The following ETFB variants were observed in gnomAD, a reference collection of about 807,000 sequenced individuals.
ETFB encodes the protein beta-ETF.
A neutral mutation model predicts 25.6 loss-of-function variants in ETFB; 20 were observed. The observed-to-expected ratio is 0.78, with a 90% CI of 0.55 to 1.14. The LOEUF is 1.14. Among genes scored for constraint, ETFB ranks in the 50% most tolerant of loss-of-function variants. ETFB has a pLI of 0.00. For missense variants in ETFB, 286 were observed against 342.6 expected (o/e 0.83, Z 1.30); for synonymous variants, 142 against 146.7 (o/e 0.97, Z 0.23).
intron 1 of ETFB, among the ~76,000 whole-genome samples, chr19:51,359,227 T>C (rs1986162237): frequency 6.6e-6 from 1 of 151,590 alleles, no homozygotes; most frequent in Non-Finnish European, 1.5e-5. Flanking sequence ...AATTTTTTTT[T>C]TTTTACTTTT....
At chr19:51,358,474 C>A (rs755397694) in intron 1 of ETFB, among the ~76,000 whole-genome samples, 16 of 151,970 alleles carry the variant, frequency 1.1e-4, no homozygotes. Flanking sequence ...GGATACTAGC[C>A]TGGGCAACAG....
At chr19:51,347,373 A>C in intron 4 of ETFB, 1 of 303,152 alleles carries the variant, frequency 3.3e-6, no homozygotes, top group Non-Finnish European at 6.3e-6. Context: ...AAGTCATCGA[A>C]TCCTCGCAGG....
chr19:51,354,738 G>T, intron 1 of ETFB: 1 of 1,409,460 alleles, frequency 7.1e-7, no homozygotes, highest in Non-Finnish European at 9.8e-7. Flanking sequence ...ACAGTTAAGG[G>T]TGGTCCTCAG....
In ETFB at chr19:51,345,378, C is replaced by T; in HGVS notation, c.601G>A (p.Ala201Thr). 6.2e-7 allele frequency: 1 copy of T among 1,614,128 alleles called. No individual in the cohort carries two copies. The change falls in exon 6 of 6, where the codon GCC becomes ACC. Residue 201 changes from alanine to threonine, a missense_variant. Transcript: ENST00000309244. ...ATCACCTCGATCTTCTTCTTCTTGG[C>T]TTTCTGCACATGGGAAGCCATTGTT... ...RYATLPNIMK[A>T]KKKKIEVIKP...
chr19:51,362,920 T>C (rs892795314), intron 1 of ETFB, among the ~76,000 whole-genome samples: 2 of 152,092 alleles, frequency 1.3e-5, no homozygotes, highest in African/African-American at 4.8e-5. Flanking sequence ...TTACAAAGTG[T>C]CCACACCAGC....
At chr19:51,346,830 C>A in intron 5 of ETFB, 70 bp downstream of exon 5, 1 of 1,471,060 alleles carries the variant, frequency 6.8e-7, no homozygotes, top group Non-Finnish European at 9.2e-7. Context: ...CGTGCGACCA[C>A]CGGGGGGCAC....
chr19:51,345,419 C>T (rs1985748899), intron 5 of ETFB, 38 bp from the exon 6 acceptor site: 2 of 1,605,912 alleles, frequency 1.2e-6, no homozygotes, highest in Non-Finnish European at 8.5e-7. Flanking sequence ...GGCTGTGGAA[C>T]TCCTGCCACC....
rs377530036 is a variant in ETFB, at chr19:51,345,169, T to A, written c.*42A>T. 2 of 1,596,650 alleles carry A rather than the reference T, an allele frequency of 1.3e-6. No individual in the cohort carries two copies. The highest frequency in any genetic ancestry group is 1.7e-6 in the Non-Finnish European group (2 of 1,164,362). ...TCTCTAGGAAATAAGTTAACAGAGA[T>A]AGATGTTGAGAGTCAGTTTTATTGC... On this transcript the variant is annotated 3_prime_UTR_variant, in exon 6 of 6. Coordinates refer to ENST00000309244, the MANE Select transcript of ETFB (RefSeq NM_001985.3).
chr19:51,351,108 A>T (rs1332400410), intron 3 of ETFB, among the ~76,000 whole-genome samples: 1 of 152,174 alleles, frequency 6.6e-6, no homozygotes, highest in Non-Finnish European at 1.5e-5. Context: ...GTCCCACCCT[A>T]TGTGGCCCCT....
chr19:51,353,187 A>G lies in ETFB; in HGVS notation c.320T>C (p.Val107Ala). Residue 107 changes from valine to alanine, a missense_variant, in exon 3 of 6, where the codon GTC becomes GCC. Val to Ala is a moderately conservative substitution (Grantham distance 64). Transcript: ENST00000309244. ...CTCCTTCTCTGCCAGCTTGGCCAGG[A>G]CCCGAGCCACCTGCAGGGGACCCAA... The part of the protein sequence containing the change: ...ERLGPLQVAR[V>A]LAKLAEKEKV... The G allele has an allele frequency of 6.2e-7, 1 of 1,614,068 alleles. No homozygotes were observed. Among genetic ancestry groups the G allele is most frequent in the South Asian group, 1.1e-5 (1 of 91,086 alleles).
intron 1 of ETFB, among the ~76,000 whole-genome samples, chr19:51,358,891 C>T (rs1420796204): frequency 2.0e-5 from 3 of 151,254 alleles, no homozygotes; most frequent in Non-Finnish European, 4.4e-5. Flanking sequence ...CCCAGCTACT[C>T]AGGAGGCTGA....
At chr19:51,366,156 G>A (rs1050062016) in intron 1 of ETFB, 114 bp downstream of exon 1, 33 of 1,065,354 alleles carry the variant, frequency 3.1e-5, no homozygotes, top group Non-Finnish European at 4.3e-5. Flanking sequence ...ACGTTTGGGG[G>A]TTAAAGCGGC....
At chr19:51,361,700 T>G (rs1002969443) in intron 1 of ETFB, 3 of 84,136 alleles carry the variant, frequency 3.6e-5, no homozygotes, top group East Asian at 2.7e-4. Flanking sequence ...CTCCTGGGTT[T>G]TTTTTTTTTT....
At chr19:51,354,536 C>T (rs755221189) in intron 1 of ETFB, 3 of 1,614,234 alleles carry the variant, frequency 1.9e-6, no homozygotes, top group Non-Finnish European at 2.5e-6. Flanking sequence ...GTACCAGGGA[C>T]ATCTGACTTG....
chr19:51,360,953 T>C (rs1044728286), intron 1 of ETFB, among the ~76,000 whole-genome samples: 3 of 151,750 alleles, frequency 2.0e-5, no homozygotes, highest in African/African-American at 7.3e-5. Context: ...GCCTGGCTAA[T>C]TTTTTGTATT....
At chr19:51,345,579 GA>G (rs1244698146) in intron 5 of ETFB, 198 bp from the exon 6 acceptor site, 7 of 627,140 alleles carry the variant, frequency 1.1e-5, no homozygotes, top group Non-Finnish European at 1.7e-5. Flanking sequence ...GAGGCCCTGG[GA>G]GGCCCAACTA....
At position 51,353,249 on chromosome 19, in the gene ETFB, A is replaced by T; in HGVS notation, c.258T>A (p.Gly86=). 1 of 1,614,022 alleles carries T rather than the reference A, an allele frequency of 6.2e-7. No individual in the cohort carries two copies. The highest frequency in any genetic ancestry group is 8.5e-7 in the Non-Finnish European group (1 of 1,179,976). Reference sequence around the variant, plus strand: ...CTGCTGGGGGCACCTCCACGTGGATACCTCGGTCTGCACCCATGGCCAGGG... The same window carrying T: ...CTGCTGGGGGCACCTCCACGTGGATTCCTCGGTCTGCACCCATGGCCAGGG... ...RTALAMGADR[G]IHVEVPPAEA... Residue 86 remains glycine (G), a synonymous_variant, in exon 3 of 6, where the codon GGT becomes GGA. Transcript: ENST00000309244.
At chr19:51,362,073 C>T (rs190009247) in intron 1 of ETFB, among the ~76,000 whole-genome samples, 1 of 151,880 alleles carries the variant, frequency 6.6e-6, no homozygotes, top group African/African-American at 2.4e-5. Flanking sequence ...TGCCCCTGAA[C>T]AGGACAGGGT....
Position 51,353,281 on chromosome 19 carries a change from G to A in ETFB, c.226C>T (p.Arg76Cys), listed in dbSNP as rs777287614. Residue 76 changes from arginine to cysteine, a missense_variant, in exon 3 of 6, where the codon CGT (arginine) becomes TGT (cysteine). By Grantham distance (180) the Arg-to-Cys change is radical (BLOSUM62 -3). Coordinates refer to ENST00000309244, the MANE Select transcript of ETFB (RefSeq NM_001985.3). ...TCTGCACCCATGGCCAGGGCGGTACGAATCGTCTCCTGCCAAGGACAGAGG... is the reference window on the plus strand; with the variant it reads ...TCTGCACCCATGGCCAGGGCGGTACAAATCGTCTCCTGCCAAGGACAGAGG... ...CGPAQCQETI[R>C]TALAMGADRG... The A allele has an allele frequency of 1.6e-5, 26 of 1,613,814 alleles. No individual in the cohort carries two copies. The highest frequency in any genetic ancestry group is 1.6e-4 in the Middle Eastern group (1 of 6,084).
Sources: gnomAD v4.1 joint callset for allele counts (sites outside exome capture counted in the v4.1 genomes callset) on GRCh38, gnomAD v4.1.1 for gene constraint, MANE v1.5 for transcripts, NCBI Gene and HGNC (gene_info 2026-07-23, HGNC 2026-07-21) for gene names.